The following ASTN2 variants were observed in gnomAD, a reference collection of about 807,000 sequenced individuals.
The protein encoded by ASTN2 is astrotactin 2.
A neutral mutation model predicts 139.8 loss-of-function variants in ASTN2; 54 were observed. That is an observed-to-expected ratio of 0.39 (90% CI 0.31 to 0.48). The LOEUF is 0.48. Among genes scored for constraint, ASTN2 ranks in the 20% least tolerant of loss-of-function variants. The pLI is 0.95. For synonymous variants in ASTN2, 756 were observed against 719.5 expected (o/e 1.05, Z -0.81); for missense variants, 1,565 against 1,725.1 (o/e 0.91, Z 1.64).
At chr9:117,192,476 G>C (rs978027451) in intron 3 of ASTN2, among the ~76,000 whole-genome samples, 2 of 152,008 alleles carry the variant, frequency 1.3e-5, no homozygotes, top group African/African-American at 4.8e-5. Flanking sequence ...TTGCCTCCTT[G>C]TTTTCTAAGA....
chr9:117,248,755 A>G (rs1205033434), intron 2 of ASTN2, among the ~76,000 whole-genome samples: 4 of 152,204 alleles, frequency 2.6e-5, no homozygotes, highest in Admixed American at 1.3e-4. Flanking sequence ...CAAACCCCAA[A>G]CACCCCATCT....
chr9:116,665,706 T>C (rs1318639241), intron 16 of ASTN2, among the ~76,000 whole-genome samples: 2 of 152,152 alleles, frequency 1.3e-5, no homozygotes, highest in Non-Finnish European at 2.9e-5. Flanking sequence ...CAAAAGGACA[T>C]ACAAACCAAC....
chr9:116,738,282 C>G (rs113000756), intron 13 of ASTN2, among the ~76,000 whole-genome samples: 8,915 of 151,992 alleles, frequency 0.059, 355 homozygotes, highest in Non-Finnish European at 0.092. Flanking sequence ...AGAAAGATCC[C>G]CTGAGGTCAG....
At chr9:117,144,667 T>G (rs917939557) in intron 3 of ASTN2, among the ~76,000 whole-genome samples, 2 of 12,194 alleles carry the variant, frequency 1.6e-4, no homozygotes, top group South Asian at 4.1e-3. Context: ...CTAGTTTTTT[T>G]TTTTTTTTTT....
At position 116,949,845 on chromosome 9, in the gene ASTN2, T is replaced by A. The variant is rs187508102; in HGVS notation, c.1889+25363A>T. 2.1e-3 allele frequency among the ~76,000 whole-genome samples: 319 copies of A among 152,338 alleles called. 2 individuals are homozygous for A. The highest frequency in any genetic ancestry group is 3.1e-3 in the Non-Finnish European group (212 of 68,026). On this transcript the variant is annotated intron_variant, in intron 10 of 22. Transcript: ENST00000313400. ...GCCCTGTGAGAAGGCTACGTGACTT[T>A]AAGTGTTAATATAATAATTGTACCT...
intron 2 of ASTN2, among the ~76,000 whole-genome samples, chr9:117,270,600 G>A (rs1229368333): frequency 6.6e-6 from 1 of 152,086 alleles, no homozygotes; most frequent in African/African-American, 2.4e-5. Context: ...CCCTGTACCT[G>A]GCATAAGGAT....
chr9:116,457,079 G>A (rs940191604), intron 20 of ASTN2, among the ~76,000 whole-genome samples: 1 of 152,024 alleles, frequency 6.6e-6, no homozygotes, highest in Non-Finnish European at 1.5e-5. Flanking sequence ...TTCAACAAAG[G>A]TGCCAAGAAC....
At chr9:116,667,659 A>C (rs1858948564) in intron 16 of ASTN2, among the ~76,000 whole-genome samples, 1 of 152,180 alleles carries the variant, frequency 6.6e-6, no homozygotes. Flanking sequence ...TGGGAAATAG[A>C]ATGAGGGGAG....
At position 116,698,327 on chromosome 9, in the gene ASTN2, C is replaced by T. The variant is rs992571932; in HGVS notation, c.2806+27444G>A. The T allele has an allele frequency of 6.2e-7, 1 of 1,614,100 alleles. No individual in the cohort carries two copies. Among genetic ancestry groups the T allele is most frequent in the Non-Finnish European group, 8.5e-7 (1 of 1,180,032 alleles). ...AGTATGGGCATGAGGAGCGCAGGGT[C>T]CAGGATGAGCTGGCTCGCTCTCGGA... On this transcript the variant is annotated intron_variant, in intron 16 of 22. Transcript: ENST00000313400. This position sits in a 1 kb window ranked among gnomAD's most constrained non-coding sequence, Gnocchi z 4.4.
intron 6 of ASTN2, among the ~76,000 whole-genome samples, chr9:117,017,160 A>G (rs1458535212): frequency 1.3e-5 from 2 of 152,088 alleles, no homozygotes; most frequent in African/African-American, 4.8e-5. Context: ...TAAAGTCATG[A>G]CATGTTTTCT....
intron 5 of ASTN2, among the ~76,000 whole-genome samples, chr9:117,064,963 G>A (rs1248947116): frequency 2.6e-5 from 4 of 151,900 alleles, no homozygotes; most frequent in Non-Finnish European, 5.9e-5. Context: ...ACCTTACATG[G>A]AAAAAAGGGT....
intron 17 of ASTN2, among the ~76,000 whole-genome samples, chr9:116,639,089 T>C (rs935428116): frequency 1.3e-5 from 2 of 152,232 alleles, no homozygotes; most frequent in Admixed American, 1.3e-4. Context: ...CAGTTCATTA[T>C]TATATTCTCT....
At chr9:116,916,567 C>CCAGG (rs1834454315) in intron 10 of ASTN2, among the ~76,000 whole-genome samples, 4 of 152,106 alleles carry the variant, frequency 2.6e-5, no homozygotes, top group Admixed American at 2.6e-4. Context: ...AAGATGTGGG[C>CCAGG]CAGGTGTGGT....
intron 17 of ASTN2, among the ~76,000 whole-genome samples, chr9:116,647,931 G>A (rs763781961): frequency 1.2e-4 from 18 of 151,976 alleles, no homozygotes; most frequent in Non-Finnish European, 2.4e-4. Context: ...GCGCTCAAGC[G>A]ATCCTCCCAC....
intron 3 of ASTN2, among the ~76,000 whole-genome samples, chr9:117,190,048 G>A (rs1317200144): frequency 6.6e-6 from 1 of 152,160 alleles, no homozygotes; most frequent in African/African-American, 2.4e-5. Flanking sequence ...GGAGATGTGA[G>A]TTCCAATCTC....
At chr9:117,079,667 G>A (rs1000865999) in intron 5 of ASTN2, among the ~76,000 whole-genome samples, 1 of 100,732 alleles carries the variant, frequency 9.9e-6, no homozygotes, top group Admixed American at 1.0e-4. Flanking sequence ...TTAAGTAAAA[G>A]TGAGATATAT....
At chr9:117,077,327 A>G (rs376188376) in intron 5 of ASTN2, among the ~76,000 whole-genome samples, 3 of 152,154 alleles carry the variant, frequency 2.0e-5, no homozygotes, top group East Asian at 3.9e-4. Context: ...TAAACTTTCC[A>G]TATTTTAGGG....
intron 10 of ASTN2, among the ~76,000 whole-genome samples, chr9:116,923,888 G>A (rs780170377): frequency 6.6e-6 from 1 of 152,148 alleles, no homozygotes; most frequent in African/African-American, 2.4e-5. Context: ...ACTAAGAGAA[G>A]GCACTTGCTG....
chr9:116,493,041 A>G (rs1849565124), intron 19 of ASTN2, among the ~76,000 whole-genome samples: 1 of 152,088 alleles, frequency 6.6e-6, no homozygotes, highest in Non-Finnish European at 1.5e-5. Flanking sequence ...TTGGTTTTAA[A>G]GTTTTATTGC....
Sources: allele counts gnomAD v4.1 joint callset (sites outside exome capture counted in the v4.1 genomes callset), GRCh38; gene constraint gnomAD v4.1.1; non-coding constraint Gnocchi (gnomAD v3.1); transcripts MANE v1.5; gene names NCBI Gene and HGNC (gene_info 2026-07-23, HGNC 2026-07-21).